CNTN4: variants seen among roughly 807,000 people sequenced by gnomAD.
CNTN4 encodes contactin-4.
CNTN4 carries 77 observed loss-of-function variants against 122.5 expected under a neutral mutation model. That is an observed-to-expected ratio of 0.63 (90% CI 0.52 to 0.76). The LOEUF is 0.76. Among genes scored for constraint, CNTN4 ranks in the 30% least tolerant of loss-of-function variants. The pLI is 0.00. For synonymous variants in CNTN4, 512 were observed against 447.0 expected (o/e 1.15, Z -1.83); for missense variants, 1,256 against 1,259.1 (o/e 1.00, Z 0.04).
intron 2 of CNTN4, among the ~76,000 whole-genome samples, chr3:2,209,300 C>G (rs2038501706): frequency 6.6e-6 from 1 of 152,162 alleles, no homozygotes; most frequent in Admixed American, 6.5e-5. Context: ...AGGCACCTAT[C>G]TCTTCATCCA....
At chr3:2,604,073 G>A (rs2081158563) in intron 4 of CNTN4, among the ~76,000 whole-genome samples, 2 of 152,160 alleles carry the variant, frequency 1.3e-5, no homozygotes, top group Non-Finnish European at 2.9e-5. Flanking sequence ...TTTCTACTTG[G>A]AAGTGAGATG....
intron 2 of CNTN4, among the ~76,000 whole-genome samples, chr3:2,148,260 G>A (rs2035337104): frequency 6.6e-6 from 1 of 152,148 alleles, no homozygotes. Context: ...AAGGCCGGGC[G>A]CAGTGGCTCC....
At chr3:2,598,614 A>G (rs973430540) in intron 4 of CNTN4, among the ~76,000 whole-genome samples, 3 of 152,296 alleles carry the variant, frequency 2.0e-5, no homozygotes, top group Non-Finnish European at 4.4e-5. Context: ...TTTTATGTAG[A>G]CCACTTTTAC....
At chr3:2,788,105 A>G (rs111426274) in intron 6 of CNTN4, among the ~76,000 whole-genome samples, 1,792 of 152,184 alleles carry the variant, frequency 0.012, 38 homozygotes, top group African/African-American at 0.041. Flanking sequence ...ATATAATGTA[A>G]TCATAAGAGT....
chr3:2,388,436 G>C (rs148736105), intron 3 of CNTN4, among the ~76,000 whole-genome samples: 1 of 152,224 alleles, frequency 6.6e-6, no homozygotes, highest in East Asian at 1.9e-4. Context: ...CTCTACTCTG[G>C]CCACACCTTG....
At chr3:3,025,997 C>T (rs1698686852) in intron 14 of CNTN4, 105 bp from the exon 15 acceptor site, 1 of 1,149,816 alleles carries the variant, frequency 8.7e-7, no homozygotes, top group Non-Finnish European at 1.3e-6. Context: ...AAAAATAAAG[C>T]AAAATTACTT....
rs1377691600 is a variant in CNTN4 at position 2,400,893 on chromosome 3, C to T, written c.-89+61660C>T. On this transcript the variant is annotated intron_variant, in intron 3 of 24. Coordinates refer to ENST00000418658, the MANE Select transcript of CNTN4 (RefSeq NM_175607.3). The stretch of plus-strand genomic sequence containing the variant: ...TATAAGTATATTATTCAAACCCCAT[C>T]ACAGGTTTGAAATTAACCCTCTTGG... 3.3e-5 allele frequency among the ~76,000 whole-genome samples: 5 copies of T among 151,504 alleles called. No homozygotes were observed. In the South Asian group the frequency reaches 1.0e-3, roughly 31 times the overall value.
At chr3:2,888,728 ATATT>A (rs1577165097) in intron 10 of CNTN4, among the ~76,000 whole-genome samples, 1 of 152,116 alleles carries the variant, frequency 6.6e-6, no homozygotes, top group Non-Finnish European at 1.5e-5. Flanking sequence ...ATTTATATAC[ATATT>A]TATGTACATA....
chr3:2,625,245 G>A (rs775644750), intron 4 of CNTN4, among the ~76,000 whole-genome samples: 2 of 152,018 alleles, frequency 1.3e-5, no homozygotes, highest in Non-Finnish European at 2.9e-5. Flanking sequence ...CTCCCACAAC[G>A]CCACAAGAGC....
chr3:2,865,009 G>C (rs1262134697), intron 7 of CNTN4, among the ~76,000 whole-genome samples: 2 of 152,050 alleles, frequency 1.3e-5, no homozygotes, highest in East Asian at 3.9e-4. Context: ...GCTGTTTGTT[G>C]AAAGCCTGCC....
chr3:2,665,038 T>C (rs1345661041), intron 4 of CNTN4, among the ~76,000 whole-genome samples: 1 of 152,186 alleles, frequency 6.6e-6, no homozygotes, highest in East Asian at 1.9e-4. Flanking sequence ...ACAAGGGCTC[T>C]CTCCGGGACA....
chr3:2,329,839 A>G (rs1225921756), intron 2 of CNTN4, among the ~76,000 whole-genome samples: 1 of 152,198 alleles, frequency 6.6e-6, no homozygotes, highest in Non-Finnish European at 1.5e-5. Context: ...ATGAGGCTGT[A>G]AAGGAACAAA....
At chr3:2,191,904 A>T (rs898020560) in intron 2 of CNTN4, among the ~76,000 whole-genome samples, 4 of 148,230 alleles carry the variant, frequency 2.7e-5, no homozygotes, top group Non-Finnish European at 5.9e-5. Context: ...AACAGGCCCC[A>T]GTGTCTGATG....
At chr3:2,442,434 T>C (rs2048475402) in intron 3 of CNTN4, among the ~76,000 whole-genome samples, 1 of 152,142 alleles carries the variant, frequency 6.6e-6, no homozygotes, top group Non-Finnish European at 1.5e-5. Flanking sequence ...AATGAGAAAA[T>C]TATCTTGCTA....
chr3:2,889,109 C>T (rs972925980), intron 10 of CNTN4, among the ~76,000 whole-genome samples: 3 of 152,198 alleles, frequency 2.0e-5, no homozygotes, highest in Non-Finnish European at 4.4e-5. Flanking sequence ...TCGATAATCA[C>T]GTAACATTTT....
chr3:2,408,415 AG>A (rs2047113247), intron 3 of CNTN4, among the ~76,000 whole-genome samples: 1 of 152,206 alleles, frequency 6.6e-6, no homozygotes, highest in Non-Finnish European at 1.5e-5. Context: ...TGAGGAAAAA[AG>A]TGGTAAGAGG....
At chr3:2,486,604 T>C (rs760887294) in intron 3 of CNTN4, among the ~76,000 whole-genome samples, 2 of 152,182 alleles carry the variant, frequency 1.3e-5, no homozygotes, top group East Asian at 1.9e-4. Flanking sequence ...TTTAAAAAAA[T>C]TATAAGACAC....
At chr3:2,348,918 A>G (rs2044504435) in intron 3 of CNTN4, among the ~76,000 whole-genome samples, 2 of 152,286 alleles carry the variant, frequency 1.3e-5, no homozygotes, top group South Asian at 2.1e-4. Flanking sequence ...TTCCCCATCT[A>G]TAAAATCAGC....
chr3:2,904,637 C>T (rs1424366546), intron 12 of CNTN4, among the ~76,000 whole-genome samples: 1 of 152,196 alleles, frequency 6.6e-6, no homozygotes, highest in Non-Finnish European at 1.5e-5. Context: ...CCTTCCAGGA[C>T]ACATATGATG....
Sources: allele counts gnomAD v4.1 joint callset (sites outside exome capture counted in the v4.1 genomes callset), GRCh38; gene constraint gnomAD v4.1.1; transcripts MANE v1.5; gene names NCBI Gene and HGNC (gene_info 2026-07-23, HGNC 2026-07-21).